EYS: variants seen among roughly 807,000 people sequenced by gnomAD.
EYS encodes EGF-like photoreceptor maintenance factor.
EYS carries 250 observed loss-of-function variants against 282.1 expected under a neutral mutation model. The ratio of observed to expected loss-of-function variants is 0.89; its 90% CI spans 0.80 to 0.98. The LOEUF is 0.98. Among genes scored for constraint, EYS ranks in the 50% least tolerant of loss-of-function variants. The probability of loss-of-function intolerance (pLI) is 0.00; values close to 1 mark genes in which losing one functional copy is unlikely to be tolerated. For synonymous variants in EYS, 1,355 were observed against 1,282.9 expected, an observed-to-expected ratio of 1.06 and a Z score of -1.20; for missense variants, 4,016 against 3,709.0, an observed-to-expected ratio of 1.08 and a Z score of -2.15.
chr6:64,298,598 A>G (rs1272435153), intron 30 of EYS, among the ~76,000 whole-genome samples: 1 of 152,170 alleles, frequency 6.6e-6, no homozygotes, highest in East Asian at 1.9e-4. Flanking sequence ...ACACAAAAAG[A>G]TGGTAATGTA....
At chr6:65,361,123 AC>A (rs1764687246) in intron 8 of EYS, among the ~76,000 whole-genome samples, 2 of 151,442 alleles carry the variant, frequency 1.3e-5, no homozygotes, top group Non-Finnish European at 2.9e-5. Flanking sequence ...AAAAAAACAA[AC>A]ACCGCATGTT....
intron 2 of EYS, among the ~76,000 whole-genome samples, chr6:65,625,358 T>A (rs1766655728): frequency 6.6e-6 from 1 of 152,222 alleles, no homozygotes. Context: ...AATCTATTTG[T>A]GTTGTTTTAT....
chr6:65,296,843 G>A (rs75478886), intron 11 of EYS, among the ~76,000 whole-genome samples: 8,373 of 151,694 alleles, frequency 0.055, 304 homozygotes, highest in Middle Eastern at 0.085. Flanking sequence ...TTGTGAAATA[G>A]TCTGCAATTT....
chr6:65,657,245 G>A (rs943189256), intron 1 of EYS, among the ~76,000 whole-genome samples: 2 of 151,820 alleles, frequency 1.3e-5, no homozygotes, highest in South Asian at 2.1e-4. Context: ...ATATCCTTCT[G>A]TAGCCCATGG....
chr6:64,269,459 GAT>G (rs1238554018), intron 30 of EYS, among the ~76,000 whole-genome samples: 1 of 151,946 alleles, frequency 6.6e-6, no homozygotes, highest in Non-Finnish European at 1.5e-5. Flanking sequence ...GAAGGGAAAA[GAT>G]AGTTATCCCT....
chr6:64,980,276 G>C (rs763716516), intron 14 of EYS, among the ~76,000 whole-genome samples: 1 of 151,240 alleles, frequency 6.6e-6, no homozygotes, highest in Non-Finnish European at 1.5e-5. Flanking sequence ...CCCCTTTAAG[G>C]CATTAAAATA....
intron 41 of EYS, among the ~76,000 whole-genome samples, chr6:63,746,986 G>T (rs374641323): frequency 1.3e-5 from 2 of 152,096 alleles, no homozygotes; most frequent in South Asian, 2.1e-4. Context: ...TTTGAATTTT[G>T]TTTTCTCTTG....
At chr6:65,429,845 C>T (rs922078150) in intron 5 of EYS, among the ~76,000 whole-genome samples, 5 of 151,510 alleles carry the variant, frequency 3.3e-5, no homozygotes, top group Non-Finnish European at 5.9e-5. Flanking sequence ...AGAAGAGATA[C>T]TTTTAATTAT....
chr6:65,478,189 T>C (rs1346876508), intron 5 of EYS, among the ~76,000 whole-genome samples: 1 of 150,562 alleles, frequency 6.6e-6, no homozygotes, highest in Non-Finnish European at 1.5e-5. Context: ...AGAGAAGATA[T>C]AATATATGAA....
At chr6:64,958,626 T>A (rs1297242443) in intron 14 of EYS, among the ~76,000 whole-genome samples, 2 of 144,246 alleles carry the variant, frequency 1.4e-5, no homozygotes, top group Admixed American at 1.5e-4. Flanking sequence ...TCCCAGCTAC[T>A]CGGGAGGCTG....
rs148512562 is a variant in EYS, at chr6:65,524,596, C to A, written c.-332-28603G>T. Among the ~76,000 whole-genome samples the A allele has an allele frequency of 7.1e-3, 1,086 of 152,292 alleles. 1 individual carries two copies. The highest frequency in any genetic ancestry group is 0.013 in the Admixed American group (205 of 15,300). On this transcript the variant is annotated intron_variant, in intron 2 of 42. Coordinates refer to ENST00000503581, the MANE Select transcript of EYS (RefSeq NM_001142800.2). ...AACACAATTTCACTGTTTTATCAAA[C>A]CACTTACTTCAGGTTGATGGGAAGA...
chr6:65,430,064 G>C (rs1168423155), intron 5 of EYS, among the ~76,000 whole-genome samples: 1 of 152,070 alleles, frequency 6.6e-6, no homozygotes, highest in Non-Finnish European at 1.5e-5. Flanking sequence ...TGCTACAAAT[G>C]ATAAACTCTT....
rs551808443 is a variant in EYS, at chr6:65,365,314, T to C, written c.1300-11697A>G. ...TTGGCCCTCCATCTGCCTGCCTTCT[T>C]ACGCCTGAAAAATTTTCTGCCTGAT... is the stretch of plus-strand genomic sequence containing the variant. On this transcript the variant is annotated intron_variant, in intron 8 of 42. Coordinates refer to ENST00000503581, the MANE Select transcript of EYS (RefSeq NM_001142800.2). Among the ~76,000 whole-genome samples, 45 of 151,720 alleles carry C rather than the reference T, an allele frequency of 3.0e-4. 1 individual carries two copies. The highest frequency in any genetic ancestry group is 9.9e-4 in the African/African-American group (41 of 41,504).
At chr6:65,609,778 A>G (rs916520272) in intron 2 of EYS, among the ~76,000 whole-genome samples, 1 of 152,192 alleles carries the variant, frequency 6.6e-6, no homozygotes, top group African/African-American at 2.4e-5. Context: ...CAAATGCATA[A>G]TATGAATATG....
chr6:64,392,572 A>C (rs1010808468), intron 28 of EYS, among the ~76,000 whole-genome samples: 1 of 151,948 alleles, frequency 6.6e-6, no homozygotes, highest in Non-Finnish European at 1.5e-5. Context: ...ATGTTCTTTG[A>C]AACCAATGAG....
chr6:64,796,621 T>C (rs1347986971), intron 22 of EYS, among the ~76,000 whole-genome samples: 1 of 152,142 alleles, frequency 6.6e-6, no homozygotes, highest in Non-Finnish European at 1.5e-5. Context: ...GGGAGAAATA[T>C]CAGACCGATA....
chr6:64,054,690 A>C (rs1770924120), intron 33 of EYS, among the ~76,000 whole-genome samples: 1 of 152,170 alleles, frequency 6.6e-6, no homozygotes, highest in South Asian at 2.1e-4. Flanking sequence ...TGTTTCAATT[A>C]GTTATAGTTG....
intron 22 of EYS, among the ~76,000 whole-genome samples, chr6:64,752,725 T>C (rs1296310664): frequency 6.6e-6 from 1 of 151,842 alleles, no homozygotes; most frequent in Admixed American, 6.6e-5. Context: ...AAAGTCAACA[T>C]GAAGGAAAAA....
intron 19 of EYS, among the ~76,000 whole-genome samples, chr6:64,865,441 G>C (rs1766398067): frequency 6.6e-6 from 1 of 152,066 alleles, no homozygotes; most frequent in Admixed American, 6.6e-5. Context: ...CCCAGGCATA[G>C]AGGAGAAAAA....
Sources: gnomAD v4.1 joint callset for allele counts (sites outside exome capture counted in the v4.1 genomes callset) on GRCh38, gnomAD v4.1.1 for gene constraint, MANE v1.5 for transcripts, NCBI Gene and HGNC (gene_info 2026-07-23, HGNC 2026-07-21) for gene names.